XPNPEP3: variants seen among roughly 807,000 people sequenced by gnomAD.
The protein encoded by XPNPEP3 is xaa-Pro aminopeptidase 3.
A neutral mutation model predicts 60.0 loss-of-function variants in XPNPEP3; 41 were observed. The observed-to-expected ratio is 0.68, with a 90% CI of 0.53 to 0.89. XPNPEP3 has a LOEUF of 0.89. Among genes scored for constraint, XPNPEP3 ranks in the 40% least tolerant of loss-of-function variants. The pLI, the probability that XPNPEP3 is intolerant of heterozygous loss-of-function variation, is 0.00. For missense variants in XPNPEP3, 598 were observed against 638.9 expected (o/e 0.94, Z 0.69); for synonymous variants, 212 against 223.2 (o/e 0.95, Z 0.45).
chr22:40,883,008 AGGCCAGGAG>A (rs952386107), intron 3 of XPNPEP3, among the ~76,000 whole-genome samples: 2 of 152,096 alleles, frequency 1.3e-5, no homozygotes, highest in South Asian at 2.1e-4. Context: ...GGATCGCTTG[AGGCCAGGAG>A]TTCAGGTCCA....
rs1199165088 is a variant in XPNPEP3, at chr22:40,862,109, A to G, written c.64+4864A>G. 11 of 1,498,720 alleles carry G rather than the reference A, an allele frequency of 7.3e-6. No homozygotes were observed. In the African/African-American group the frequency reaches 1.5e-4, roughly 21 times the overall value. The allele number at this position is 1,498,720 out of a possible 1,614,324, so 92.8% of individuals were successfully genotyped here. A position where few individuals can be genotyped will look rare whatever the true frequency, so the allele number is the denominator to read the frequency against. ...AGTGACTGCAAATAGGTACACTTTT[A>G]TGTTAAAGACAATGTTATTACCATG... On this transcript the variant is annotated intron_variant, in intron 1 of 9. Transcript: ENST00000357137.
rs370987849 is a variant in XPNPEP3, at chr22:40,922,768, G to A, written c.1236+255G>A. Among the ~76,000 whole-genome samples the A allele has an allele frequency of 1.1e-4, 16 of 150,810 alleles. No homozygotes were observed. In the East Asian group the frequency reaches 3.1e-3, roughly 29 times the overall value. On this transcript the variant is annotated intron_variant, in intron 8 of 9. Coordinates refer to ENST00000357137, the MANE Select transcript of XPNPEP3 (RefSeq NM_022098.4). Reference sequence around the variant, plus strand: ...CACATATATATATACACACACATACGTAGATATATATACATACACACACAG... The same window carrying A: ...CACATATATATATACACACACATACATAGATATATATACATACACACACAG...
intron 2 of XPNPEP3, among the ~76,000 whole-genome samples, chr22:40,877,039 G>T (rs1601495865): frequency 6.6e-6 from 1 of 152,062 alleles, no homozygotes; most frequent in Non-Finnish European, 1.5e-5. Context: ...ACCTTCATAG[G>T]CAGCCACTCT....
chr22:40,914,351 C>T lies in XPNPEP3; in HGVS notation c.1055+27C>T, dbSNP rs111876072. The T allele has an allele frequency of 4.6e-5, 73 of 1,577,882 alleles. 3 individuals carry two copies. In the African/African-American group the frequency reaches 4.7e-4, roughly 10 times the overall value. ...TAGGGCTTCTACAGAGTAACGTATCCCACTGCTTCTTAGGAGTATGAGTTG... is the reference window on the plus strand; with the variant it reads ...TAGGGCTTCTACAGAGTAACGTATCTCACTGCTTCTTAGGAGTATGAGTTG... On this transcript the variant is annotated intron_variant, in intron 7 of 9. Transcript: ENST00000357137.
At chr22:40,870,099 A>G (rs1415326891) in intron 2 of XPNPEP3, 2 of 470,958 alleles carry the variant, frequency 4.2e-6, no homozygotes, top group Admixed American at 2.3e-5. Context: ...GCAGCTCACC[A>G]CTGAAACCCA....
chr22:40,894,535 TA>T (rs1484450761), intron 4 of XPNPEP3, among the ~76,000 whole-genome samples: 1 of 152,200 alleles, frequency 6.6e-6, no homozygotes, highest in African/African-American at 2.4e-5. Flanking sequence ...TGAGCTAGTC[TA>T]ATCATAGGGA....
chr22:40,919,721 G>A (rs2058209395), intron 7 of XPNPEP3, among the ~76,000 whole-genome samples: 1 of 152,072 alleles, frequency 6.6e-6, no homozygotes, highest in African/African-American at 2.4e-5. Flanking sequence ...GGTTGCACAA[G>A]GACATTCATA....
chr22:40,884,914 G>C (rs1049375188), intron 3 of XPNPEP3, among the ~76,000 whole-genome samples: 3 of 151,714 alleles, frequency 2.0e-5, no homozygotes, highest in Non-Finnish European at 4.4e-5. Flanking sequence ...TGTAATCCCA[G>C]CTACTTGGGA....
intron 4 of XPNPEP3, among the ~76,000 whole-genome samples, chr22:40,901,486 C>T (rs540608825): frequency 6.6e-6 from 1 of 152,282 alleles, no homozygotes; most frequent in South Asian, 2.1e-4. Flanking sequence ...CCACCCGCCT[C>T]AGCCTCCCAA....
At chr22:40,887,916 T>G (rs2058075383) in intron 4 of XPNPEP3, among the ~76,000 whole-genome samples, 1 of 152,192 alleles carries the variant, frequency 6.6e-6, no homozygotes, top group South Asian at 2.1e-4. Flanking sequence ...GGCCATTGAC[T>G]TAATTTAAAA....
At chr22:40,923,209 T>C (rs1477673389) in intron 8 of XPNPEP3, among the ~76,000 whole-genome samples, 1 of 150,792 alleles carries the variant, frequency 6.6e-6, no homozygotes, top group Non-Finnish European at 1.5e-5. Flanking sequence ...CAAGGCCCTG[T>C]GTCTAAAAAA....
At chr22:40,888,478 A>C (rs1179475457) in intron 4 of XPNPEP3, 1 of 406,468 alleles carries the variant, frequency 2.5e-6, no homozygotes, top group Admixed American at 2.6e-5. Context: ...TCCTGAGCTC[A>C]AGCAGTCCGC....
At position 40,926,426 on chromosome 22, in the gene XPNPEP3, G is replaced by C; in HGVS notation, c.1515G>C (p.Gln505His). ...EMNDIEQICS[Q>H]AS Reference sequence around the variant, plus strand: ...ATGACATTGAACAGATATGCAGCCAGGCTTCTTGACCTTCACTGCGGCCCA... The same window carrying C: ...ATGACATTGAACAGATATGCAGCCACGCTTCTTGACCTTCACTGCGGCCCA... Residue 505 changes from glutamine to histidine, a missense_variant, in exon 10 of 10, where the codon CAG becomes CAC. By Grantham distance (24) the Gln-to-His change is conservative. Transcript: ENST00000357137. 6.2e-7 allele frequency: 1 copy of C among 1,614,104 alleles called. No homozygotes were observed. Among genetic ancestry groups the C allele is most frequent in the Non-Finnish European group, 8.5e-7 (1 of 1,180,032 alleles).
intron 2 of XPNPEP3, chr22:40,870,183 T>C (rs931184748): frequency 7.1e-6 from 3 of 422,778 alleles, no homozygotes; most frequent in African/African-American, 6.2e-5. Context: ...TTAGTATTTA[T>C]CTACCCTATC....
chr22:40,913,763 C>T (rs1208878573), intron 6 of XPNPEP3, among the ~76,000 whole-genome samples: 2 of 151,904 alleles, frequency 1.3e-5, no homozygotes, highest in African/African-American at 2.4e-5. Flanking sequence ...TTTCACATGC[C>T]CCCTGTTTCA....
intron 8 of XPNPEP3, 80 bp from the exon 9 acceptor site, chr22:40,924,282 A>G: frequency 6.3e-7 from 1 of 1,584,656 alleles, no homozygotes; most frequent in Non-Finnish European, 8.7e-7. Context: ...AATAACACAT[A>G]TCTCACTGAT....
intron 2 of XPNPEP3, among the ~76,000 whole-genome samples, chr22:40,874,273 A>T (rs1258871989): frequency 6.6e-6 from 1 of 152,188 alleles, no homozygotes; most frequent in Admixed American, 6.6e-5. Context: ...GAATTTAAAA[A>T]ATTAAAAGGA....
chr22:40,860,466 T>C, intron 1 of XPNPEP3: 1 of 400,800 alleles, frequency 2.5e-6, no homozygotes, highest in Non-Finnish European at 4.3e-6. Context: ...TGTTCCTCCA[T>C]TGGAAAACAG....
chr22:40,861,516 T>C, intron 1 of XPNPEP3: 1 of 1,613,972 alleles, frequency 6.2e-7, no homozygotes, highest in Non-Finnish European at 8.5e-7. Flanking sequence ...CAATGAACCC[T>C]GTGATGTATA....
Sources: allele counts gnomAD v4.1 joint callset (sites outside exome capture counted in the v4.1 genomes callset), GRCh38; gene constraint gnomAD v4.1.1; transcripts MANE v1.5; gene names NCBI Gene and HGNC (gene_info 2026-07-23, HGNC 2026-07-21).